The following STIM1 variants were observed in gnomAD, a reference collection of about 807,000 sequenced individuals.
STIM1 encodes the protein stromal interaction molecule 1.
STIM1 carries 25 observed loss-of-function variants against 74.7 expected under a neutral mutation model. That is an observed-to-expected ratio of 0.33 (90% CI 0.24 to 0.47). The LOEUF is 0.47. Ranked by LOEUF, STIM1 falls within the 20% of genes least tolerant of loss-of-function variation. The pLI is 1.00. For synonymous variants in STIM1, 328 were observed against 348.8 expected, an observed-to-expected ratio of 0.94 and a Z score of 0.66; for missense variants, 728 against 920.8, an observed-to-expected ratio of 0.79 and a Z score of 2.71.
At chr11:3,875,555 G>A (rs2091280495) in intron 1 of STIM1, among the ~76,000 whole-genome samples, 1 of 151,882 alleles carries the variant, frequency 6.6e-6, no homozygotes, top group South Asian at 2.1e-4. Context: ...GTGAAACCCT[G>A]TCTCTACAAA....
At chr11:4,049,801 G>T (rs1413660446) in intron 3 of STIM1, among the ~76,000 whole-genome samples, 1 of 151,254 alleles carries the variant, frequency 6.6e-6, no homozygotes, top group Admixed American at 6.6e-5. Context: ...GACTGCCTGA[G>T]ACCAAATCTT....
chr11:3,879,450 G>C (rs2091420225), intron 1 of STIM1, among the ~76,000 whole-genome samples: 1 of 151,968 alleles, frequency 6.6e-6, no homozygotes, highest in African/African-American at 2.4e-5. Flanking sequence ...TGTTGGTTTC[G>C]TGGACATTAA....
At chr11:4,064,156 C>T (rs762431968) in intron 5 of STIM1, among the ~76,000 whole-genome samples, 1 of 152,120 alleles carries the variant, frequency 6.6e-6, no homozygotes, top group Non-Finnish European at 1.5e-5. Context: ...GTCCTGATGG[C>T]AAATATTGTT....
chr11:4,054,690 C>T (rs2094274724), intron 3 of STIM1, among the ~76,000 whole-genome samples: 2 of 152,184 alleles, frequency 1.3e-5, no homozygotes, highest in South Asian at 4.1e-4. Context: ...AATCATCTTC[C>T]ATGAAACCAG....
In STIM1 at chr11:4,074,561, A is replaced by G; in HGVS notation, c.851A>G (p.Lys284Arg). The G allele has an allele frequency of 1.2e-6, 2 of 1,614,148 alleles. No individual in the cohort carries two copies. Among genetic ancestry groups the G allele is most frequent in the East Asian group, 2.2e-5 (1 of 44,886 alleles). Reference protein sequence around the residue: ...TVEVEKVHLEKKLRDEINLAK... With the variant: ...TVEVEKVHLERKLRDEINLAK... ...GAGGTGGAGAAGGTCCATCTGGAAA[A>G]GAAGCTGCGCGATGAGATCAACCTT... Residue 284 changes from lysine to arginine, a missense_variant, in exon 7 of 13, where the codon AAG (lysine) becomes AGG (arginine). By Grantham distance (26) the Lys-to-Arg change is conservative. Transcript: ENST00000526596.
intron 1 of STIM1, among the ~76,000 whole-genome samples, chr11:3,862,142 A>C (rs1382657703): frequency 6.6e-6 from 1 of 152,216 alleles, no homozygotes; most frequent in Non-Finnish European, 1.5e-5. Flanking sequence ...ATATACAACA[A>C]AGTATAAATA....
chr11:3,895,722 CTTTCTTTCTTTCTTTTTCTTT>C (rs2092107953), intron 1 of STIM1, among the ~76,000 whole-genome samples: 8 of 37,042 alleles, frequency 2.2e-4, no homozygotes, highest in South Asian at 1.1e-3. Context: ...TTCTTTCTTT[CTTTCTTTCTTTCTTTTTCTTT>C]CTTCCTTCCT....
intron 1 of STIM1, among the ~76,000 whole-genome samples, chr11:3,960,209 T>A (rs80277774): frequency 1.3e-5 from 2 of 152,346 alleles, no homozygotes; most frequent in African/African-American, 4.8e-5. Context: ...GATAGATAAC[T>A]ATGGTTATTC....
In STIM1 at chr11:4,070,035, A is replaced by G. The variant is rs2094394104; in HGVS notation, c.623A>G (p.His208Arg). ...VLFGPPLLTR[H>R]NHLKDFMLVV... ...CTCCCCTCTCTGGCAGTGACTCGCCATAATCACCTCAAGGACTTCATGCTG... is the reference window on the plus strand; with the variant it reads ...CTCCCCTCTCTGGCAGTGACTCGCCGTAATCACCTCAAGGACTTCATGCTG... The change falls in exon 6 of 13, where the codon CAT (histidine) becomes CGT (arginine). Residue 208 changes from histidine (H) to arginine (R), a missense_variant. Physicochemically the swap from His to Arg is conservative, Grantham distance 29 (BLOSUM62 0). This residue lies in a region of STIM1 where 132 missense variants were observed against 158.2 expected (regional missense o/e 0.83). Coordinates refer to ENST00000526596, the MANE Select transcript of STIM1 (RefSeq NM_001382567.1). 6.2e-7 allele frequency: 1 copy of G among 1,614,126 alleles called. No homozygotes were observed. The highest frequency in any genetic ancestry group is 8.5e-7 in the Non-Finnish European group (1 of 1,180,022).
chr11:3,981,283 C>T (rs542943296), intron 2 of STIM1, among the ~76,000 whole-genome samples: 5 of 152,244 alleles, frequency 3.3e-5, no homozygotes, highest in South Asian at 4.2e-4. Flanking sequence ...TTCTCATGTT[C>T]GAGAGTACTT....
intron 2 of STIM1, among the ~76,000 whole-genome samples, chr11:4,007,461 A>G (rs976014426): frequency 3.3e-5 from 5 of 152,190 alleles, no homozygotes; most frequent in African/African-American, 1.2e-4. Flanking sequence ...TATATTGAAC[A>G]TCAAAGTTAC....
At chr11:3,913,251 C>A (rs2092593741) in intron 1 of STIM1, among the ~76,000 whole-genome samples, 1 of 151,796 alleles carries the variant, frequency 6.6e-6, no homozygotes, top group Non-Finnish European at 1.5e-5. Context: ...GCAGTGGTGT[C>A]ATCACCACTC....
At chr11:3,928,523 G>A (rs1244562213) in intron 1 of STIM1, among the ~76,000 whole-genome samples, 3 of 151,924 alleles carry the variant, frequency 2.0e-5, no homozygotes, top group Non-Finnish European at 2.9e-5. Context: ...CACAACGCTC[G>A]GCTGCTATTC....
At chr11:3,980,686 A>ACAACAAC (rs1319797329) in intron 2 of STIM1, among the ~76,000 whole-genome samples, 2,571 of 150,876 alleles carry the variant, frequency 0.017, 66 homozygotes, top group African/African-American at 0.058. Context: ...ACAACAAAAA[A>ACAACAAC]AAACAAATAG....
chr11:4,091,721 A>G lies in STIM1; in HGVS notation c.2074A>G (p.Ile692Val), dbSNP rs759472644. Residue 692 changes from isoleucine (I) to valine (V), a missense_variant, in exon 13 of 13, where the codon ATT becomes GTT. Physicochemically the swap from Ile to Val is conservative, Grantham distance 29. Transcript: ENST00000526596. ...KAVAEEDNGSIGEETDSSPGR... is the reference protein window; with the variant it reads ...KAVAEEDNGSVGEETDSSPGR... ...TGTGGCTGAGGAGGATAATGGCTCT[A>G]TTGGCGAGGAAACAGACTCCAGCCC... 1.2e-5 allele frequency: 20 copies of G among 1,613,896 alleles called. No individual in the cohort carries two copies. Among genetic ancestry groups the G allele is most frequent in the Non-Finnish European group, 1.6e-5 (19 of 1,180,050 alleles).
At chr11:3,905,396 G>A (rs1354885331) in intron 1 of STIM1, among the ~76,000 whole-genome samples, 1 of 151,812 alleles carries the variant, frequency 6.6e-6, no homozygotes, top group East Asian at 1.9e-4. Context: ...AAGGTGGAGG[G>A]GTGGAGTGGA....
At chr11:3,981,202 A>G (rs1041205763) in intron 2 of STIM1, among the ~76,000 whole-genome samples, 41 of 152,290 alleles carry the variant, frequency 2.7e-4, no homozygotes, top group Non-Finnish European at 2.9e-4. Context: ...CGCTGGGATT[A>G]TAGGCGTGAG....
chr11:3,886,800 G>A (rs1214614355), intron 1 of STIM1, among the ~76,000 whole-genome samples: 4 of 151,300 alleles, frequency 2.6e-5, no homozygotes, highest in Non-Finnish European at 5.9e-5. Context: ...TCAGGAGATC[G>A]AGATCATCCT....
chr11:4,003,281 A>G (rs2093739221), intron 2 of STIM1, among the ~76,000 whole-genome samples: 1 of 150,492 alleles, frequency 6.6e-6, no homozygotes, highest in African/African-American at 2.4e-5. Flanking sequence ...CAGAGACACA[A>G]CCAAAAAAGA....
Sources: gnomAD v4.1 joint callset for allele counts (sites outside exome capture counted in the v4.1 genomes callset) on GRCh38, gnomAD v4.1.1 for gene constraint, gnomAD v4.1.1 regional missense constraint, MANE v1.5 for transcripts, NCBI Gene and HGNC (gene_info 2026-07-23, HGNC 2026-07-21) for gene names.